MGAT4C: variants seen among roughly 807,000 people sequenced by gnomAD.
MGAT4C encodes the protein MGAT4 family member C, also known as alpha-1,3-mannosyl-glycoprotein 4-beta-N-acetylglucosaminyltransferase C.
In MGAT4C, 19 loss-of-function variants were observed where a neutral mutation model predicts 40.1. That is an observed-to-expected ratio of 0.47 (90% CI 0.33 to 0.70). The LOEUF is 0.70. MGAT4C is among the 30% of genes least tolerant of loss of function. The probability of loss-of-function intolerance (pLI) is 0.02; values close to 1 mark genes in which losing one functional copy is unlikely to be tolerated. For synonymous variants in MGAT4C, 181 were observed against 187.1 expected, an observed-to-expected ratio of 0.97 and a Z score of 0.27; for missense variants, 491 against 563.2, an observed-to-expected ratio of 0.87 and a Z score of 1.30.
intron 2 of MGAT4C, among the ~76,000 whole-genome samples, chr12:86,573,405 G>A (rs148140825): frequency 1.3e-5 from 2 of 152,084 alleles, no homozygotes; most frequent in East Asian, 1.9e-4. Flanking sequence ...CTACAGTTCA[G>A]TGTTATAAAA....
At chr12:86,203,056 T>TGTGTGTGTGTGTGTGTG (rs1555246936) in intron 1 of MGAT4C, among the ~76,000 whole-genome samples, 4 of 131,060 alleles carry the variant, frequency 3.1e-5, no homozygotes, top group African/African-American at 1.1e-4. Flanking sequence ...GTGTGTGTGT[T>TGTGTGTGTGTGTGTGTG]TTTACATAGC....
intron 1 of MGAT4C, among the ~76,000 whole-genome samples, chr12:86,788,370 C>A (rs753480154): frequency 1.3e-5 from 2 of 148,960 alleles, no homozygotes; most frequent in Non-Finnish European, 3.0e-5. Context: ...TCATGTTGAT[C>A]TTGTCTCTCA....
chr12:86,655,299 C>T (rs1269284675), intron 2 of MGAT4C, among the ~76,000 whole-genome samples: 1 of 152,044 alleles, frequency 6.6e-6, no homozygotes, highest in Non-Finnish European at 1.5e-5. Flanking sequence ...TTCTTAATTG[C>T]TTCTTTTCCC....
At chr12:86,453,988 A>C (rs2136289517) in intron 2 of MGAT4C, among the ~76,000 whole-genome samples, 1 of 152,264 alleles carries the variant, frequency 6.6e-6, no homozygotes, top group Non-Finnish European at 1.5e-5. Context: ...CACAAAAAGA[A>C]GCTGGCATGG....
chr12:86,571,324 A>T (rs1182922961), intron 2 of MGAT4C, among the ~76,000 whole-genome samples: 3 of 152,178 alleles, frequency 2.0e-5, no homozygotes. Context: ...TGGGCATAAG[A>T]TAATTTCAAA....
At chr12:86,020,676 G>A (rs1889618294) in intron 2 of MGAT4C, among the ~76,000 whole-genome samples, 1 of 152,146 alleles carries the variant, frequency 6.6e-6, no homozygotes, top group African/African-American at 2.4e-5. Flanking sequence ...ATAGGCATGG[G>A]CAAGGACTTC....
chr12:86,056,301 T>C (rs1000236430), intron 1 of MGAT4C, among the ~76,000 whole-genome samples: 1 of 152,178 alleles, frequency 6.6e-6, no homozygotes, highest in Non-Finnish European at 1.5e-5. Flanking sequence ...TTGTTACATA[T>C]GTATACATGT....
chr12:86,305,466 A>G (rs1243625908), intron 4 of MGAT4C, among the ~76,000 whole-genome samples: 1 of 149,862 alleles, frequency 6.7e-6, no homozygotes, highest in Non-Finnish European at 1.5e-5. Context: ...AAAGAAAGAA[A>G]GAAATGCTGT....
At chr12:86,130,972 T>G (rs1386858823) in intron 1 of MGAT4C, among the ~76,000 whole-genome samples, 1 of 152,060 alleles carries the variant, frequency 6.6e-6, no homozygotes, top group Non-Finnish European at 1.5e-5. Flanking sequence ...TGACTACCTT[T>G]GCTGAAACTA....
In MGAT4C at chr12:86,474,683, C is replaced by CTT. The variant is rs544380561; in HGVS notation, c.-228-39420_-228-39419dup. Reference sequence around the variant, plus strand: ...TTCATACTCTGGCTTTTCAGGTTTTCTTTTTTTTTTATAAGAAAGCCCATC... The same window carrying CTT: ...TTCATACTCTGGCTTTTCAGGTTTTCTTTTTTTTTTTTATAAGAAAGCCCATC... On this transcript the variant is annotated intron_variant, in intron 2 of 7. Transcript: ENST00000548651. Among the ~76,000 whole-genome samples, 432 of 147,268 alleles carry CTT rather than the reference C, an allele frequency of 2.9e-3. 1 individual carries two copies. Among genetic ancestry groups the CTT allele is most frequent in the African/African-American group, 0.01 (416 of 40,180 alleles).
intron 2 of MGAT4C, among the ~76,000 whole-genome samples, chr12:86,029,546 AG>A (rs1890549662): frequency 6.6e-6 from 1 of 152,004 alleles, no homozygotes; most frequent in Admixed American, 6.6e-5. Flanking sequence ...CCTGCCTTAA[AG>A]AAAATGTCAG....
At chr12:86,651,743 A>G (rs1565905176) in intron 2 of MGAT4C, among the ~76,000 whole-genome samples, 1 of 151,874 alleles carries the variant, frequency 6.6e-6, no homozygotes, top group Non-Finnish European at 1.5e-5. Flanking sequence ...ATTAAAATAA[A>G]TGAAATCACT....
chr12:86,566,558 A>G (rs1292266296), intron 2 of MGAT4C, among the ~76,000 whole-genome samples: 9 of 118,036 alleles, frequency 7.6e-5, no homozygotes, highest in Admixed American at 2.6e-4. Context: ...ATATATATAT[A>G]TATATATATA....
chr12:86,497,823 C>T (rs930910765), intron 2 of MGAT4C, among the ~76,000 whole-genome samples: 5 of 147,906 alleles, frequency 3.4e-5, no homozygotes, highest in African/African-American at 1.2e-4. Context: ...TAGCTCTATG[C>T]AAATTCTTTT....
At chr12:86,547,068 A>T (rs1227805420) in intron 2 of MGAT4C, among the ~76,000 whole-genome samples, 1 of 152,062 alleles carries the variant, frequency 6.6e-6, no homozygotes, top group Non-Finnish European at 1.5e-5. Flanking sequence ...AAATTTATTG[A>T]TTAATGTCCA....
At chr12:86,322,347 A>C (rs922054952) in intron 4 of MGAT4C, among the ~76,000 whole-genome samples, 2 of 151,796 alleles carry the variant, frequency 1.3e-5, no homozygotes, top group African/African-American at 4.8e-5. Context: ...CGTTGTGCAC[A>C]TGTACCCTAG....
chr12:86,341,779 T>C (rs1449331772), intron 3 of MGAT4C, among the ~76,000 whole-genome samples: 1 of 152,046 alleles, frequency 6.6e-6, no homozygotes, highest in Non-Finnish European at 1.5e-5. Flanking sequence ...AAGCAGGCAC[T>C]CAATCCTGGG....
chr12:86,560,304 A>G (rs563281417), intron 2 of MGAT4C, among the ~76,000 whole-genome samples: 1 of 152,156 alleles, frequency 6.6e-6, no homozygotes, highest in Non-Finnish European at 1.5e-5. Context: ...CATTACCATG[A>G]TACCAAAACT....
chr12:86,028,343 G>A (rs1032566087), intron 2 of MGAT4C: 1 of 363,166 alleles, frequency 2.8e-6, no homozygotes, highest in Middle Eastern at 4.3e-4. Flanking sequence ...CATCATGGCA[G>A]GGCAAGTGAT....
Sources: allele counts gnomAD v4.1 joint callset (sites outside exome capture counted in the v4.1 genomes callset), GRCh38; gene constraint gnomAD v4.1.1; transcripts MANE v1.5; gene names NCBI Gene and HGNC (gene_info 2026-07-23, HGNC 2026-07-21).